The following SRBD1 variants were observed in gnomAD, a reference collection of about 807,000 sequenced individuals.
SRBD1 encodes S1 RNA binding domain 1, also known as S1 RNA-binding domain-containing protein 1.
SRBD1 carries 88 observed loss-of-function variants against 115.3 expected under a neutral mutation model. The ratio of observed to expected loss-of-function variants is 0.76; its 90% confidence interval spans 0.64 to 0.91. SRBD1 has a LOEUF of 0.91. Ranked by LOEUF, SRBD1 falls within the 40% of genes least tolerant of loss-of-function variation. The pLI is 0.00. For missense variants in SRBD1, 1,385 were observed against 1,177.4 expected, an observed-to-expected ratio of 1.18 and a Z score of -2.58; for synonymous variants, 509 against 407.7, an observed-to-expected ratio of 1.25 and a Z score of -2.99.
chr2:45,416,319 C>CA (rs1667831258), intron 18 of SRBD1, among the ~76,000 whole-genome samples: 2 of 151,668 alleles, frequency 1.3e-5, no homozygotes, highest in South Asian at 4.2e-4. Flanking sequence ...AATTTCAAAG[C>CA]AAAAAACATT....
At chr2:45,468,618 G>A (rs576562981) in intron 16 of SRBD1, among the ~76,000 whole-genome samples, 19 of 152,092 alleles carry the variant, frequency 1.2e-4, no homozygotes, top group African/African-American at 4.3e-4. Flanking sequence ...AAACTCCTGG[G>A]CTCAAGCAAT....
chr2:45,598,924 A>T (rs1198219975), intron 4 of SRBD1, among the ~76,000 whole-genome samples: 6 of 152,218 alleles, frequency 3.9e-5, no homozygotes, highest in Admixed American at 3.9e-4. Context: ...CCCCAAAGCC[A>T]GCCAAAAAAA....
Position 45,585,622 on chromosome 2 carries a change from G to A in SRBD1, c.801C>T (p.Thr267=), listed in dbSNP as rs1313445176. 9 of 1,610,014 alleles carry A rather than the reference G, an allele frequency of 5.6e-6. No homozygotes were observed. The highest frequency in any genetic ancestry group is 2.2e-5 in the South Asian group (2 of 90,236). ...DADSLREVQQ[T]LEELRAVAKK... ...AGGTTTCTTACCGTAGCTCTTCTAG[G>A]GTTTGCTGAACTTCTCTCAAGGAAT... The change falls in exon 5 of 21, where the codon ACC becomes ACT. Residue 267 remains threonine, a synonymous_variant. Transcript: ENST00000263736.
At chr2:45,448,159 T>C (rs1423720967) in intron 16 of SRBD1, 1 of 152,186 alleles carries the variant, frequency 6.6e-6, no homozygotes, top group Non-Finnish European at 1.5e-5. Flanking sequence ...TAGTTATCAA[T>C]ATTAAGAGCA....
chr2:45,519,368 C>T (rs537074218), intron 14 of SRBD1, among the ~76,000 whole-genome samples: 1 of 152,046 alleles, frequency 6.6e-6, no homozygotes, highest in East Asian at 1.9e-4. Flanking sequence ...AAACCTTGGC[C>T]GCCATTGGTC....
At chr2:45,544,033 G>C (rs1436466863) in intron 14 of SRBD1, among the ~76,000 whole-genome samples, 1 of 151,892 alleles carries the variant, frequency 6.6e-6, no homozygotes, top group Non-Finnish European at 1.5e-5. Flanking sequence ...AGGCACCAAA[G>C]ATCCTGGCTA....
chr2:45,433,396 T>G (rs553721516), intron 16 of SRBD1, among the ~76,000 whole-genome samples: 1 of 152,270 alleles, frequency 6.6e-6, no homozygotes, highest in Non-Finnish European at 1.5e-5. Context: ...ACATATACAA[T>G]GTTATTTGTC....
intron 14 of SRBD1, among the ~76,000 whole-genome samples, chr2:45,514,728 C>A (rs1248630982): frequency 6.6e-6 from 1 of 152,094 alleles, no homozygotes; most frequent in Non-Finnish European, 1.5e-5. Context: ...AATGAATAGG[C>A]TCAGTCAGGA....
intron 19 of SRBD1, among the ~76,000 whole-genome samples, chr2:45,404,223 T>C (rs1398837955): frequency 6.6e-6 from 1 of 152,138 alleles, no homozygotes; most frequent in African/African-American, 2.4e-5. Flanking sequence ...AAAAAGATTA[T>C]AGTTGAAGAT....
At chr2:45,574,490 T>C (rs1399794778) in intron 8 of SRBD1, 137 bp downstream of exon 8, 1 of 704,492 alleles carries the variant, frequency 1.4e-6, no homozygotes, top group African/African-American at 1.8e-5. Context: ...GGCTCTGTTG[T>C]TTGAACAAAG....
intron 9 of SRBD1, among the ~76,000 whole-genome samples, chr2:45,565,108 A>G (rs1216988540): frequency 6.6e-6 from 1 of 152,212 alleles, no homozygotes; most frequent in Non-Finnish European, 1.5e-5. Flanking sequence ...CCCAATTGGC[A>G]TGTTTTGTGG....
chr2:45,471,974 T>C (rs1669663285), intron 16 of SRBD1, among the ~76,000 whole-genome samples: 1 of 152,162 alleles, frequency 6.6e-6, no homozygotes, highest in Non-Finnish European at 1.5e-5. Flanking sequence ...GCAAATCCAT[T>C]CTGAGGTATA....
At chr2:45,545,480 C>A (rs1558468256) in intron 14 of SRBD1, among the ~76,000 whole-genome samples, 1 of 151,696 alleles carries the variant, frequency 6.6e-6, no homozygotes, top group Non-Finnish European at 1.5e-5. Context: ...TACTTATAAC[C>A]ACTACAAATG....
At chr2:45,590,625 C>T (rs911255342) in intron 4 of SRBD1, among the ~76,000 whole-genome samples, 1 of 152,076 alleles carries the variant, frequency 6.6e-6, no homozygotes, top group Admixed American at 6.6e-5. Context: ...TGCACTTTTC[C>T]CTGCCACCAT....
At chr2:45,504,402 T>C (rs1670735520) in intron 14 of SRBD1, among the ~76,000 whole-genome samples, 2 of 152,130 alleles carry the variant, frequency 1.3e-5, no homozygotes, top group African/African-American at 4.8e-5. Context: ...TCAAAAAGAT[T>C]AGAGTCATTG....
intron 1 of SRBD1, among the ~76,000 whole-genome samples, chr2:45,605,879 G>C (rs914812146): frequency 6.7e-6 from 1 of 149,834 alleles, no homozygotes; most frequent in African/African-American, 2.5e-5. Flanking sequence ...ACTCCAGCCT[G>C]GGCAACAGAG....
chr2:45,587,231 T>C, intron 4 of SRBD1, among the ~76,000 whole-genome samples: 1 of 146,572 alleles, frequency 6.8e-6, no homozygotes, highest in Non-Finnish European at 1.5e-5. Flanking sequence ...AATATTAAGA[T>C]ATTTGAAATT....
At chr2:45,437,924 T>C (rs187754840) in intron 16 of SRBD1, among the ~76,000 whole-genome samples, 4 of 152,310 alleles carry the variant, frequency 2.6e-5, no homozygotes, top group East Asian at 3.9e-4. Context: ...TGTTAAAATT[T>C]AGTGTCTTTA....
intron 10 of SRBD1, among the ~76,000 whole-genome samples, chr2:45,555,488 C>CTTT (rs35646522): frequency 1.7e-4 from 21 of 121,374 alleles, no homozygotes; most frequent in East Asian, 2.3e-4. Flanking sequence ...TCATTAAACC[C>CTTT]TTTTTTTTTT....
Sources: allele counts gnomAD v4.1 joint callset (sites outside exome capture counted in the v4.1 genomes callset), GRCh38; gene constraint gnomAD v4.1.1; transcripts MANE v1.5; gene names NCBI Gene and HGNC (gene_info 2026-07-23, HGNC 2026-07-21).